Variants in ZNF33B observed in about 807,000 individuals in gnomAD.
ZNF33B encodes the protein zinc finger protein 33B.
ZNF33B carries 29 observed loss-of-function variants against 45.8 expected under a neutral mutation model. That is an observed-to-expected ratio of 0.63 (90% CI 0.47 to 0.86). The LOEUF is 0.86. Ranked by LOEUF, ZNF33B falls within the 40% of genes least tolerant of loss-of-function variation. ZNF33B has a pLI of 0.00. For synonymous variants in ZNF33B, 305 were observed against 307.8 expected (o/e 0.99, Z 0.10); for missense variants, 831 against 909.9 (o/e 0.91, Z 1.12).
At chr10:42,635,210 T>C (rs190509328) in intron 2 of ZNF33B, among the ~76,000 whole-genome samples, 1 of 148,880 alleles carries the variant, frequency 6.7e-6, no homozygotes, top group African/African-American at 2.5e-5. Flanking sequence ...CACTGCACTC[T>C]AGCCTGAGTG....
At chr10:42,581,088 G>A (rs1836815051) in intron 1 of ZNF33B, among the ~76,000 whole-genome samples, 1 of 152,012 alleles carries the variant, frequency 6.6e-6, no homozygotes, top group Admixed American at 6.6e-5. Context: ...AGTAAGCCCT[G>A]GGATACAGGG....
At chr10:42,620,159 T>C (rs1236642558) in intron 4 of ZNF33B, among the ~76,000 whole-genome samples, 1 of 144,796 alleles carries the variant, frequency 6.9e-6, no homozygotes, top group African/African-American at 2.6e-5. Context: ...GAGGTTGCAG[T>C]GAACCAAGAT....
intron 4 of ZNF33B, among the ~76,000 whole-genome samples, chr10:42,628,437 T>C (rs1456966710): frequency 6.6e-6 from 1 of 152,302 alleles, no homozygotes; most frequent in African/African-American, 2.4e-5. Context: ...AGGGAAGTGA[T>C]GAATTTTCCA....
At chr10:42,602,963 C>T (rs1176293370) in intron 4 of ZNF33B, among the ~76,000 whole-genome samples, 1 of 152,186 alleles carries the variant, frequency 6.6e-6, no homozygotes, top group Non-Finnish European at 1.5e-5. Flanking sequence ...TCCTCAACCC[C>T]CACAGCTTCA....
At chr10:42,617,476 T>C (rs1265880339) in intron 4 of ZNF33B, among the ~76,000 whole-genome samples, 1 of 152,176 alleles carries the variant, frequency 6.6e-6, no homozygotes, top group Non-Finnish European at 1.5e-5. Context: ...TCACCCAGTT[T>C]TCTCCATGGT....
intron 4 of ZNF33B, among the ~76,000 whole-genome samples, chr10:42,629,440 A>G (rs1838953692): frequency 6.6e-6 from 1 of 152,214 alleles, no homozygotes; most frequent in Non-Finnish European, 1.5e-5. Flanking sequence ...TAAAGTGACT[A>G]AAAGAGTGTA....
At chr10:42,613,423 C>CTG (rs954581787) in intron 4 of ZNF33B, among the ~76,000 whole-genome samples, 8 of 152,178 alleles carry the variant, frequency 5.3e-5, no homozygotes, top group African/African-American at 1.9e-4. Flanking sequence ...TGGTAAGCAC[C>CTG]TGTAGCCCCA....
intron 1 of ZNF33B, chr10:42,574,776 A>C (rs1395130911): frequency 6.6e-6 from 1 of 152,184 alleles, no homozygotes; most frequent in Non-Finnish European, 1.5e-5. Flanking sequence ...TAGAAGGGGT[A>C]CAGTGGTTAC....
chr10:42,620,235 T>C (rs73266634), intron 4 of ZNF33B, among the ~76,000 whole-genome samples: 21,320 of 121,164 alleles, frequency 0.18, 2,273 homozygotes, highest in African/African-American at 0.34. Flanking sequence ...AAAAAAAAAA[T>C]GAAACACAAA....
chr10:42,612,542 A>T (rs1838146242), intron 4 of ZNF33B, among the ~76,000 whole-genome samples: 1 of 152,072 alleles, frequency 6.6e-6, no homozygotes, highest in African/African-American at 2.4e-5. Flanking sequence ...AGCCAGATTA[A>T]TTGATTTTCA....
chr10:42,637,035 C>G (rs747276481), intron 1 of ZNF33B, 63 bp from the exon 2 acceptor site: 4 of 1,555,010 alleles, frequency 2.6e-6, no homozygotes, highest in South Asian at 1.1e-5. Flanking sequence ...CTCCCGGATT[C>G]TTCTGCCCTA....
In ZNF33B at chr10:42,593,698, A is replaced by G; in HGVS notation, c.1252T>C (p.Cys418Arg). 6.2e-7 allele frequency: 1 copy of G among 1,613,572 alleles called. No homozygotes were observed. The highest frequency in any genetic ancestry group is 8.5e-7 in the Non-Finnish European group (1 of 1,179,606). Residue 418 changes from cysteine (C) to arginine (R), a missense_variant, in exon 5 of 5, where the codon TGT becomes CGT. Cys to Arg is a radical substitution (Grantham distance 180). Transcript: ENST00000359467. The part of the protein sequence containing the change: ...TGEKPYQCNA[C>R]GKTFYQKSDL... ...GATTTCTGGTAAAAAGTTTTCCCAC[A>G]TGCATTACACTGATAGGGTTTCTCC... is the stretch of plus-strand genomic sequence containing the variant.
downstream of ZNF33B, among the ~76,000 whole-genome samples, chr10:42,586,477 C>T (rs1347702902): frequency 6.6e-6 from 1 of 152,160 alleles, no homozygotes; most frequent in Non-Finnish European, 1.5e-5. Flanking sequence ...CGAAGTCTCA[C>T]TCTGTCACCC....
chr10:42,620,708 T>A (rs1031179300), intron 4 of ZNF33B, among the ~76,000 whole-genome samples: 11 of 152,028 alleles, frequency 7.2e-5, no homozygotes, highest in African/African-American at 1.7e-4. Flanking sequence ...TAGATTTTTT[T>A]AAAATATGAT....
intron 4 of ZNF33B, among the ~76,000 whole-genome samples, chr10:42,598,819 G>A (rs928978119): frequency 1.3e-5 from 2 of 152,150 alleles, no homozygotes; most frequent in African/African-American, 4.8e-5. Context: ...TTGAATTTAT[G>A]TTCATGAAGG....
chr10:42,601,901 T>C (rs1293531118), intron 4 of ZNF33B, among the ~76,000 whole-genome samples: 1 of 147,484 alleles, frequency 6.8e-6, no homozygotes, highest in Admixed American at 7.1e-5. Context: ...TTGCTCTATG[T>C]GATATTCTTT....
intron 1 of ZNF33B, among the ~76,000 whole-genome samples, chr10:42,637,861 C>CA (rs1293216031): frequency 6.6e-6 from 1 of 152,124 alleles, no homozygotes; most frequent in Non-Finnish European, 1.5e-5. Flanking sequence ...CCATGTTGGT[C>CA]AGGCTGGTCT....
chr10:42,583,825 A>C (rs1836872605), intron 1 of ZNF33B, among the ~76,000 whole-genome samples: 2 of 152,144 alleles, frequency 1.3e-5, no homozygotes, highest in East Asian at 1.9e-4. Context: ...TGAGGGAATG[A>C]AGCTGGAACC....
At chr10:42,603,116 C>T (rs1837693731) in intron 4 of ZNF33B, among the ~76,000 whole-genome samples, 3 of 152,138 alleles carry the variant, frequency 2.0e-5, no homozygotes, top group South Asian at 4.1e-4. Flanking sequence ...CAAAAGAAAC[C>T]AAGAAGACCA....
Sources: allele counts gnomAD v4.1 joint callset (sites outside exome capture counted in the v4.1 genomes callset), GRCh38; gene constraint gnomAD v4.1.1; transcripts MANE v1.5; gene names NCBI Gene and HGNC (gene_info 2026-07-23, HGNC 2026-07-21).